Variants in TENM3 observed in about 807,000 individuals in gnomAD.
The protein encoded by TENM3 is teneurin transmembrane protein 3.
Under a neutral mutation model 255.1 loss-of-function variants are expected in TENM3, and 63 were observed. The observed-to-expected ratio is 0.25, with a 90% CI of 0.20 to 0.30. The LOEUF (loss-of-function observed/expected upper bound fraction) is 0.30. Among genes scored for constraint, TENM3 ranks in the 10% least tolerant of loss-of-function variants. TENM3 has a pLI of 1.00. For missense variants in TENM3, 2,929 were observed against 3,461.1 expected (o/e 0.85, Z 3.86); for synonymous variants, 1,306 against 1,322.3 (o/e 0.99, Z 0.27).
chr4:181,490,004 G>T, the TENM3 span, among the ~76,000 whole-genome samples: 2 of 152,118 alleles, frequency 1.3e-5, no homozygotes, highest in Non-Finnish European at 2.9e-5. Context: ...CTGGAAATAT[G>T]ACCTATTTTA....
In TENM3 at chr4:182,775,879, A is replaced by G. The variant is rs530446162; in HGVS notation, c.5304+726A>G. 8.5e-5 allele frequency among the ~76,000 whole-genome samples: 13 copies of G among 152,260 alleles called. No individual in the cohort carries two copies. The East Asian group carries it at 2.3e-3, about 27-fold the overall frequency. The stretch of plus-strand genomic sequence containing the variant: ...CATCTCTGAATCTGTTTCCTTATCT[A>G]TATCATGGTATCCATATTATGATAT... On this transcript the variant is annotated intron_variant, in intron 24 of 27. Transcript: ENST00000511685.
intron 3 of TENM3, among the ~76,000 whole-genome samples, chr4:182,353,453 C>G (rs192007902): frequency 1.3e-5 from 2 of 152,088 alleles, no homozygotes; most frequent in Non-Finnish European, 2.9e-5. Flanking sequence ...CGTAATATGT[C>G]GGTGGGCTTC....
At chr4:182,327,249 G>A (rs1027824414) in intron 2 of TENM3, among the ~76,000 whole-genome samples, 2 of 152,124 alleles carry the variant, frequency 1.3e-5, no homozygotes, top group African/African-American at 2.4e-5. Context: ...AAAAATGAAA[G>A]ATTAAAAATA....
rs545803235 is a variant in TENM3, at chr4:182,740,810, T to C, written c.3379+2266T>C. Among the ~76,000 whole-genome samples, 10 of 152,316 alleles carry C rather than the reference T, an allele frequency of 6.6e-5. No homozygotes were observed. The South Asian group carries it at 8.3e-4, about 13-fold the overall frequency. ...CAGAATAACATATGGGTAACTTCTA[T>C]TAAAATACCAGGGCAGATGTAAAAA... is the stretch of plus-strand genomic sequence containing the variant. On this transcript the variant is annotated intron_variant, in intron 18 of 27. Coordinates refer to ENST00000511685, the MANE Select transcript of TENM3 (RefSeq NM_001080477.4).
At chr4:181,488,919 A>G in the TENM3 span, among the ~76,000 whole-genome samples, 6 of 152,186 alleles carry the variant, frequency 3.9e-5, no homozygotes, top group East Asian at 7.7e-4. Context: ...CTTCTCTCAC[A>G]TCTGCCTATA....
chr4:182,089,284 G>C, the TENM3 span, among the ~76,000 whole-genome samples: 1 of 152,118 alleles, frequency 6.6e-6, no homozygotes, highest in African/African-American at 2.4e-5. Context: ...ATTTTGTTAA[G>C]GTTATATCAC....
intron 1 of TENM3, among the ~76,000 whole-genome samples, chr4:182,172,882 T>A (rs917970605): frequency 1.3e-5 from 2 of 152,190 alleles, no homozygotes; most frequent in African/African-American, 4.8e-5. Context: ...GAATCCTTAC[T>A]GCAATATTAG....
the TENM3 span, among the ~76,000 whole-genome samples, chr4:181,915,786 G>A: frequency 3.3e-5 from 5 of 152,058 alleles, no homozygotes; most frequent in Admixed American, 2.0e-4. Context: ...GGGAGCCAGA[G>A]GTAGTCCAGT....
chr4:181,997,322 G>A, the TENM3 span, among the ~76,000 whole-genome samples: 61 of 152,242 alleles, frequency 4.0e-4, no homozygotes, highest in African/African-American at 1.4e-3. Flanking sequence ...GCCTGCGCAC[G>A]TGTGATACCT....
chr4:181,953,289 CATCATCATG>C, the TENM3 span, among the ~76,000 whole-genome samples: 5 of 151,932 alleles, frequency 3.3e-5, no homozygotes, highest in South Asian at 2.1e-4. Context: ...TCATCATCAT[CATCATCATG>C]ATCATCAGTC....
the TENM3 span, among the ~76,000 whole-genome samples, chr4:181,563,390 A>G: frequency 6.6e-6 from 1 of 152,194 alleles, no homozygotes; most frequent in African/African-American, 2.4e-5. Context: ...AAGGGACACC[A>G]GGCATTTTGG....
At chr4:181,866,187 A>G in the TENM3 span, among the ~76,000 whole-genome samples, 3 of 152,198 alleles carry the variant, frequency 2.0e-5, no homozygotes, top group Non-Finnish European at 4.4e-5. Context: ...ATTATTCTCC[A>G]TAAATTAACG....
chr4:182,222,575 T>G (rs112383513), intron 1 of TENM3, among the ~76,000 whole-genome samples: 1,635 of 152,314 alleles, frequency 0.011, 38 homozygotes, highest in African/African-American at 0.037. Context: ...GATTGTACCT[T>G]GGTTAGTAGT....
chr4:182,072,979 AAAG>A, the TENM3 span, among the ~76,000 whole-genome samples: 1 of 152,206 alleles, frequency 6.6e-6, no homozygotes, highest in East Asian at 1.9e-4. Flanking sequence ...CTTGTAGGTA[AAAG>A]AAGAGACACC....
At chr4:182,001,044 C>T in the TENM3 span, among the ~76,000 whole-genome samples, 1 of 136,620 alleles carries the variant, frequency 7.3e-6, no homozygotes, top group Non-Finnish European at 1.5e-5. Flanking sequence ...ACAGAACAAA[C>T]CAGAAAATCT....
the TENM3 span, among the ~76,000 whole-genome samples, chr4:181,512,342 A>C: frequency 6.6e-6 from 1 of 152,150 alleles, no homozygotes; most frequent in Non-Finnish European, 1.5e-5. Context: ...CTATATTCCC[A>C]AAGCATAGTG....
At chr4:181,776,215 A>T in the TENM3 span, among the ~76,000 whole-genome samples, 1 of 152,056 alleles carries the variant, frequency 6.6e-6, no homozygotes, top group South Asian at 2.1e-4. Context: ...TAACATTATA[A>T]CCTCTAATTC....
chr4:181,538,509 A>C, the TENM3 span, among the ~76,000 whole-genome samples: 206 of 151,176 alleles, frequency 1.4e-3, no homozygotes, highest in Non-Finnish European at 1.9e-3. Flanking sequence ...TCTCAGTGCC[A>C]TGTGGGAAGC....
the TENM3 span, among the ~76,000 whole-genome samples, chr4:181,974,533 A>C: frequency 1.6e-4 from 24 of 152,226 alleles, no homozygotes; most frequent in African/African-American, 5.8e-4. Context: ...GCGCTACTGC[A>C]CTCCAGCCTG....
Sources: allele counts gnomAD v4.1 joint callset (sites outside exome capture counted in the v4.1 genomes callset), GRCh38; gene constraint gnomAD v4.1.1; transcripts MANE v1.5; gene names NCBI Gene and HGNC (gene_info 2026-07-23, HGNC 2026-07-21).